Variants in COL16A1 observed in about 807,000 individuals in gnomAD.
COL16A1 encodes collagen alpha-1(XVI) chain.
Under a neutral mutation model 266.3 loss-of-function variants are expected in COL16A1, and 189 were observed. That is an observed-to-expected ratio of 0.71 (90% CI 0.63 to 0.80). The LOEUF is 0.80. COL16A1 is among the 30% of genes least tolerant of loss of function. COL16A1 has a pLI of 0.00. For synonymous variants in COL16A1, 740 were observed against 782.3 expected (o/e 0.95, Z 0.90); for missense variants, 1,928 against 2,122.4 (o/e 0.91, Z 1.80).
In COL16A1 at chr1:31,653,651, T is replaced by A; in HGVS notation, c.4560A>T (p.Lys1520Asn). ...VRGLPGTKGE[K>N]GDIGIGIAGE... ...CTGCAATGCCAATACCAATGTCCCC[T>A]TTTTCACCTTTGGTACCAGGCAATC... is the stretch of plus-strand genomic sequence containing the variant. Residue 1520 changes from lysine (K) to asparagine (N), a missense_variant, in exon 70 of 71, where the codon AAA becomes AAT. Around this residue, in one of 2 missense-constraint regions of COL16A1, gnomAD observed 376 missense variants for 485.2 expected, o/e 0.77. Transcript: ENST00000373672. 1 of 1,613,334 alleles carries A rather than the reference T, an allele frequency of 6.2e-7. No individual in the cohort carries two copies. Among genetic ancestry groups the A allele is most frequent in the Non-Finnish European group, 8.5e-7 (1 of 1,179,568 alleles).
intron 19 of COL16A1, 41 bp from the exon 20 acceptor site, chr1:31,691,267 C>T: frequency 1.2e-6 from 2 of 1,611,262 alleles, no homozygotes; most frequent in East Asian, 2.2e-5. Flanking sequence ...TTCCAGGGAC[C>T]ACTCGCTACA....
chr1:31,692,159 ACCCCTGGTCTCTGTCT>A, intron 16 of COL16A1, 92 bp from the exon 17 acceptor site: 1 of 1,577,970 alleles, frequency 6.3e-7, no homozygotes. Context: ...TGCCTTCTAG[ACCCCTGGTCTCTGTCT>A]CCCCTGAGGG....
At position 31,668,843 on chromosome 1, in the gene COL16A1, C is replaced by G. The variant is rs192291983; in HGVS notation, c.3208G>C (p.Glu1070Gln). Residue 1070 changes from glutamate to glutamine, a missense_variant, in exon 50 of 71, where the codon GAG becomes CAG. Physicochemically the swap from Glu to Gln is conservative, Grantham distance 29 (BLOSUM62 2). Coordinates refer to ENST00000373672, the MANE Select transcript of COL16A1 (RefSeq NM_001856.4). The surrounding 1 kb of genome is among the most constrained non-coding windows in gnomAD (Gnocchi z 5.8). ...GSPGLPGLQG[E>Q]RGLTGLTGDK... is the part of the protein sequence containing the mutation. ...CCAGTCAGGCCCGTGAGACCTCGCTCTCCTTGAAGGCCCTTGGAGAGAAAA... is the reference window on the plus strand; with the variant it reads ...CCAGTCAGGCCCGTGAGACCTCGCTGTCCTTGAAGGCCCTTGGAGAGAAAA... The G allele has an allele frequency of 2.0e-5, 33 of 1,613,830 alleles. No individual in the cohort carries two copies. The highest frequency in any genetic ancestry group is 1.5e-4 in the African/African-American group (11 of 74,998).
At chr1:31,689,318 A>G in intron 23 of COL16A1, 1 of 658,838 alleles carries the variant, frequency 1.5e-6, no homozygotes, top group Admixed American at 3.0e-5. Flanking sequence ...AAGTTCCTGC[A>G]TATACCCAAT....
In COL16A1 at chr1:31,684,572, A is replaced by T; in HGVS notation, c.2111T>A (p.Leu704Gln). ...GCCCTGAACTCCAGGCTCTCCTGAC[A>T]GTCCTGGCCGCCCTGTGGTGCCCGG... ...GTPGTTGRPG[L>Q]SGEPGVQGPA... The change falls in exon 31 of 71, where the codon CTG (leucine) becomes CAG (glutamine). Residue 704 changes from leucine (L) to glutamine (Q), a missense_variant. Coordinates refer to ENST00000373672, the MANE Select transcript of COL16A1 (RefSeq NM_001856.4). The T allele has an allele frequency of 3.7e-6, 6 of 1,613,752 alleles. No homozygotes were observed. The highest frequency in any genetic ancestry group is 5.1e-6 in the Non-Finnish European group (6 of 1,179,974).
At chr1:31,666,309 G>T (rs1642141062) in intron 52 of COL16A1, 2 of 568,216 alleles carry the variant, frequency 3.5e-6, no homozygotes, top group Non-Finnish European at 6.2e-6. Flanking sequence ...AAGCCAGCCA[G>T]CAAATGGCTG....
intron 16 of COL16A1, 87 bp from the exon 17 acceptor site, chr1:31,692,154 TC>T: frequency 1.3e-6 from 2 of 1,585,148 alleles, no homozygotes; most frequent in Non-Finnish European, 1.7e-6. Context: ...ACAACTGCCT[TC>T]TAGACCCCTG....
chr1:31,698,289 A>G lies in COL16A1; in HGVS notation c.391-117T>C. On this transcript the variant is annotated intron_variant, in intron 5 of 70. Transcript: ENST00000373672. This position sits in a 1 kb window ranked among gnomAD's most constrained non-coding sequence, Gnocchi z 4.1. ...GAGGGGAACTGAGGCCCAGAAAGAG[A>G]AGAAAGCCGGCTGGGGTCAAGGAGC... is the stretch of plus-strand genomic sequence containing the variant. 6.5e-7 allele frequency: 1 copy of G among 1,543,132 alleles called. No homozygotes were observed. The highest frequency in any genetic ancestry group is 8.7e-7 in the Non-Finnish European group (1 of 1,148,722).
chr1:31,700,109 T>G lies in COL16A1; in HGVS notation c.80A>C (p.Gln27Pro). ...TFGHGANTGA[Q>P]CPPSQQEGLK... ...TCCTTCCTGCTGTGAAGGTGGGCAT[T>G]GTGCACCTAGAAGAGAAGGGGCAGG... The change falls in exon 3 of 71, where the codon CAA becomes CCA. Residue 27 changes from glutamine (Q) to proline (P), a missense_variant. Coordinates refer to ENST00000373672, the MANE Select transcript of COL16A1 (RefSeq NM_001856.4). 2 of 1,614,168 alleles carry G rather than the reference T, an allele frequency of 1.2e-6. No individual in the cohort carries two copies. Among genetic ancestry groups the G allele is most frequent in the Non-Finnish European group, 1.7e-6 (2 of 1,180,018 alleles).
chr1:31,698,848 C>A lies in COL16A1; in HGVS notation c.267-242G>T, dbSNP rs1271087177. 6.6e-6 allele frequency among the ~76,000 whole-genome samples: 1 copy of A among 152,208 alleles called. No individual in the cohort carries two copies. Among genetic ancestry groups the A allele is most frequent in the African/African-American group, 2.4e-5 (1 of 41,450 alleles). On this transcript the variant is annotated intron_variant, in intron 4 of 70. Transcript: ENST00000373672. The surrounding 1 kb of genome is among the most constrained non-coding windows in gnomAD (Gnocchi z 4.1). ...GTGGCTCATGCCTGTAATCCCAGCA[C>A]TTTGGGAGGCCGAGGTGGGCGGATC...
chr1:31,659,051 C>T lies in COL16A1; in HGVS notation c.3880-87G>A, dbSNP rs1570355477. 4.1e-6 allele frequency: 5 copies of T among 1,232,980 alleles called. 1 individual carries two copies. The East Asian group carries it at 1.3e-4, about 31-fold the overall frequency. The allele number at this position is 1,232,980 out of a possible 1,614,324, so 76.4% of individuals were successfully genotyped here. ...CAGGGCCTGACAGCAGAAACAAGCT[C>T]TAAACTTCAGCAGCTCCATTTCCTC... On this transcript the variant is annotated intron_variant, in intron 62 of 70. Coordinates refer to ENST00000373672, the MANE Select transcript of COL16A1 (RefSeq NM_001856.4).
Position 31,685,612 on chromosome 1 carries a change from G to A in COL16A1, c.2016+27C>T. The A allele has an allele frequency of 6.3e-7, 1 of 1,586,610 alleles. No homozygotes were observed. The highest frequency in any genetic ancestry group is 8.6e-7 in the Non-Finnish European group (1 of 1,162,926). ...TAGCCCCGCCTGCATCCCCCGTCCA[G>A]AGGCCCCTGCCTATATCCCACCTCA... On this transcript the variant is annotated intron_variant, in intron 29 of 70. Coordinates refer to ENST00000373672, the MANE Select transcript of COL16A1 (RefSeq NM_001856.4). This position sits in a 1 kb window ranked among gnomAD's most constrained non-coding sequence, Gnocchi z 4.0.
At chr1:31,679,512 G>A in intron 42 of COL16A1, 120 bp downstream of exon 42, 1 of 1,613,952 alleles carries the variant, frequency 6.2e-7, no homozygotes, top group Non-Finnish European at 8.5e-7. Flanking sequence ...AGAGGAGTGA[G>A]AAATGGCATG....
chr1:31,653,860 G>T lies in COL16A1; in HGVS notation c.4534+7C>A, dbSNP rs1640861541. On this transcript the variant is annotated splice_region_variant and intron_variant, in intron 69 of 70. Transcript: ENST00000373672. ...TGTGTCCCTTGGGAACTGTAGGGCA[G>T]AGCTACCTCTTACTCCTGGCAAGCC... is the stretch of plus-strand genomic sequence containing the variant. 2 of 1,607,714 alleles carry T rather than the reference G, an allele frequency of 1.2e-6. No homozygotes were observed. Among genetic ancestry groups the T allele is most frequent in the Admixed American group, 3.4e-5 (2 of 59,470 alleles).
chr1:31,658,400 G>T, intron 64 of COL16A1, 88 bp downstream of exon 64: 1 of 1,128,250 alleles, frequency 8.9e-7, no homozygotes, highest in Non-Finnish European at 1.3e-6. Flanking sequence ...CTTCCTTAGA[G>T]ACCCCAGATA....
At chr1:31,694,012 C>T (rs1247750171) in intron 12 of COL16A1, 132 bp downstream of exon 12, 1 of 771,458 alleles carries the variant, frequency 1.3e-6, no homozygotes, top group Non-Finnish European at 2.1e-6. Flanking sequence ...ACCACGCATA[C>T]ACTTAATCAC....
intron 9 of COL16A1, 84 bp downstream of exon 9, chr1:31,696,004 T>G: frequency 1.6e-6 from 2 of 1,249,382 alleles, no homozygotes; most frequent in Non-Finnish European, 2.3e-6. Context: ...AGAGTGGGAG[T>G]GGAGCACCTT....
In COL16A1 at chr1:31,665,191, G is replaced by C; in HGVS notation, c.3536C>G (p.Pro1179Arg). Residue 1179 changes from proline to arginine, a missense_variant, in exon 56 of 71, where the codon CCT (proline) becomes CGT (arginine). Pro to Arg is a moderately radical substitution (Grantham distance 103). Coordinates refer to ENST00000373672, the MANE Select transcript of COL16A1 (RefSeq NM_001856.4). ...GCTCACCTTCTCTGCTTGAGGGCCA[G>C]GTGGGCCAGGTGATCCAACTTTGCC... ...FPGKVGSPGPPGPQAEKGSEG... is the reference protein window; with the variant it reads ...FPGKVGSPGPRGPQAEKGSEG... 1 of 1,603,362 alleles carries C rather than the reference G, an allele frequency of 6.2e-7. No individual in the cohort carries two copies. The highest frequency in any genetic ancestry group is 8.5e-7 in the Non-Finnish European group (1 of 1,177,094).
chr1:31,657,182 C>A lies in COL16A1; in HGVS notation c.4021-114G>T. 1 of 1,295,722 alleles carries A rather than the reference C, an allele frequency of 7.7e-7. No individual in the cohort carries two copies. Among genetic ancestry groups the A allele is most frequent in the East Asian group, 2.3e-5 (1 of 42,750 alleles). 80.3% of individuals were successfully genotyped at this position (1,295,722 alleles called of 1,614,324 possible). A position where few individuals can be genotyped will look rare whatever the true frequency, so the allele number is the denominator to read the frequency against. On this transcript the variant is annotated intron_variant, in intron 64 of 70. Transcript: ENST00000373672. The surrounding 1 kb of genome is among the most constrained non-coding windows in gnomAD (Gnocchi z 6.4). Reference sequence around the variant, plus strand: ...CCCTGTTCCACCCAGAGGCCACGATCCTCCAGCCCTCACCCTCTGACAATC... The same window carrying A: ...CCCTGTTCCACCCAGAGGCCACGATACTCCAGCCCTCACCCTCTGACAATC...
Sources: allele counts gnomAD v4.1 joint callset (sites outside exome capture counted in the v4.1 genomes callset), GRCh38; gene constraint gnomAD v4.1.1; regional missense constraint gnomAD v4.1.1; non-coding constraint Gnocchi (gnomAD v3.1); transcripts MANE v1.5; gene names NCBI Gene and HGNC (gene_info 2026-07-23, HGNC 2026-07-21).